The following DYNC2I2 variants were observed in gnomAD, a reference collection of about 807,000 sequenced individuals.
DYNC2I2 encodes cytoplasmic dynein 2 intermediate chain 2.
In DYNC2I2, 39 loss-of-function variants were observed where a neutral mutation model predicts 52.0. The observed-to-expected ratio is 0.75, with a 90% confidence interval of 0.58 to 0.98. The LOEUF (loss-of-function observed/expected upper bound fraction) is 0.98, where lower values mean the gene tolerates loss of function less well. Among genes scored for constraint, DYNC2I2 ranks in the 50% least tolerant of loss-of-function variants. The pLI is 0.00. For synonymous variants in DYNC2I2, 359 were observed against 321.1 expected, an observed-to-expected ratio of 1.12 and a Z score of -1.26; for missense variants, 743 against 728.4, an observed-to-expected ratio of 1.02 and a Z score of -0.23.
the DYNC2I2 span, among the ~76,000 whole-genome samples, chr9:128,679,441 C>T: frequency 6.6e-6 from 1 of 152,028 alleles, no homozygotes; most frequent in Non-Finnish European, 1.5e-5. Flanking sequence ...TGACTTATGA[C>T]TAAGATTTAG....
At chr9:128,643,066 T>C (rs1201487949) in intron 1 of DYNC2I2, among the ~76,000 whole-genome samples, 1 of 151,350 alleles carries the variant, frequency 6.6e-6, no homozygotes, top group South Asian at 2.1e-4. Flanking sequence ...CAGGAAGGAG[T>C]GTAGTGGGCC....
chr9:128,678,776 T>A, the DYNC2I2 span, among the ~76,000 whole-genome samples: 1 of 148,160 alleles, frequency 6.7e-6, no homozygotes, highest in African/African-American at 2.5e-5. Context: ...AATCTTATAA[T>A]AAAACAAAGA....
the DYNC2I2 span, among the ~76,000 whole-genome samples, chr9:128,664,631 C>G: frequency 1.3e-5 from 2 of 151,120 alleles, no homozygotes; most frequent in Non-Finnish European, 1.5e-5. Context: ...TTTACAGGTG[C>G]CTGCCACCAC....
At chr9:128,652,918 C>CAA (rs759120754) in intron 1 of DYNC2I2, among the ~76,000 whole-genome samples, 1 of 133,392 alleles carries the variant, frequency 7.5e-6, no homozygotes, top group African/African-American at 2.9e-5. Flanking sequence ...AACTCCGTCT[C>CAA]AAAAAAAAAA....
At chr9:128,636,541 G>T in intron 3 of DYNC2I2, 103 bp from the exon 4 acceptor site, 1 of 1,318,996 alleles carries the variant, frequency 7.6e-7, no homozygotes, top group Non-Finnish European at 1.0e-6. Context: ...CTGTGTCCTT[G>T]TCACCACCAG....
rs1489007663 is a variant in DYNC2I2, at chr9:128,651,099, T to G, written c.186+5442A>C. The G allele has an allele frequency of 3.4e-5, 2 of 58,304 alleles. 1 individual carries two copies. The highest frequency in any genetic ancestry group is 6.8e-5 in the African/African-American group (2 of 29,306). The allele number at this position is 58,304 out of a possible 1,614,324, so 3.6% of individuals were successfully genotyped here. ...AAGGAGTGCCCAAGCACCTGCTGGG[T>G]GCAGTGGGGACCAAAGAGAAGTTGA... is the stretch of plus-strand genomic sequence containing the variant. On this transcript the variant is annotated intron_variant, in intron 1 of 8. Coordinates refer to ENST00000372715, the MANE Select transcript of DYNC2I2 (RefSeq NM_052844.4).
At chr9:128,660,976 C>T (rs1232643033), upstream of DYNC2I2, among the ~76,000 whole-genome samples, 1 of 151,796 alleles carries the variant, frequency 6.6e-6, no homozygotes, top group East Asian at 2.0e-4. Context: ...GATCTGCGCA[C>T]CTCAGCCTCC....
rs569829982 is a variant in DYNC2I2 at position 128,652,906 on chromosome 9, G to A, written c.186+3635C>T. ...GCACTCCAGCTTGGGCAACAAAAGC[G>A]AAACTCCGTCTCAAAAAAAAAAAAG... On this transcript the variant is annotated intron_variant, in intron 1 of 8. Transcript: ENST00000372715. 7.9e-4 allele frequency among the ~76,000 whole-genome samples: 117 copies of A among 147,468 alleles called. 9 individuals carry two copies. The highest frequency in any genetic ancestry group is 2.9e-3 in the African/African-American group (113 of 38,744).
At chr9:128,641,089 G>T in intron 1 of DYNC2I2, 150 bp from the exon 2 acceptor site, 1 of 1,296,320 alleles carries the variant, frequency 7.7e-7, no homozygotes, top group Non-Finnish European at 1.0e-6. Flanking sequence ...GGTTGGAGAT[G>T]GCCCCTTGAT....
chr9:128,658,834 A>C (rs1860885615), upstream of DYNC2I2, among the ~76,000 whole-genome samples: 1 of 148,484 alleles, frequency 6.7e-6, no homozygotes, highest in Non-Finnish European at 1.5e-5. Context: ...AGGCCATCCA[A>C]CCACCTCAGC....
chr9:128,638,713 A>C (rs1318968944), intron 2 of DYNC2I2, among the ~76,000 whole-genome samples: 1 of 152,140 alleles, frequency 6.6e-6, no homozygotes, highest in African/African-American at 2.4e-5. Flanking sequence ...AGAGAAATGA[A>C]AACTCATGTC....
the DYNC2I2 span, among the ~76,000 whole-genome samples, chr9:128,673,506 A>AT: frequency 3.2e-3 from 456 of 144,348 alleles, 8 homozygotes; most frequent in East Asian, 0.033. Context: ...CTCACTGGCT[A>AT]TTTTTTTTTT....
At chr9:128,634,532 G>T (rs1480708686) in intron 7 of DYNC2I2, 149 bp from the exon 8 acceptor site, 26 of 1,310,638 alleles carry the variant, frequency 2.0e-5, no homozygotes, top group Middle Eastern at 2.1e-4. Context: ...ATTAGAGAAG[G>T]GACGATGCCT....
chr9:128,634,755 G>C lies in DYNC2I2; in HGVS notation c.1148C>G (p.Pro383Arg). 1 of 1,603,926 alleles carries C rather than the reference G, an allele frequency of 6.2e-7. No individual in the cohort carries two copies. The highest frequency in any genetic ancestry group is 8.5e-7 in the Non-Finnish European group (1 of 1,175,748). The change falls in exon 7 of 9, where the codon CCA (proline) becomes CGA (arginine). Residue 383 changes from proline to arginine, a missense_variant. Pro to Arg is a moderately radical substitution (Grantham distance 103). Transcript: ENST00000372715. ...RMPSSVPLRA[P>R]AQFTFSPHGG... is the part of the protein sequence containing the mutation. The stretch of plus-strand genomic sequence containing the variant: ...GTGGGGGGAGAAGGTAAACTGTGCT[G>C]GGGCCCGCAGGGGCACGGAGCTGGG...
chr9:128,663,679 G>A, the DYNC2I2 span: 4 of 122,270 alleles, frequency 3.3e-5, no homozygotes, highest in Admixed American at 2.0e-4. Context: ...TTGAGACAGG[G>A]TATCACTCTT....
At position 128,633,882 on chromosome 9, in the gene DYNC2I2, G is replaced by A. The variant is rs781560583; in HGVS notation, c.1473C>T (p.Asn491=). The change falls in exon 9 of 9, where the codon AAC becomes AAT. Residue 491 remains asparagine (N), a synonymous_variant. Transcript: ENST00000372715. ...DESPVYCLEF[N]SQQTQLLAAG... ...CAGCCAAGAGCTGAGTCTGCTGGCT[G>A]TTGAACTCCAGACAGTAGACAGGGC... 1.2e-6 allele frequency: 2 copies of A among 1,613,394 alleles called. No individual in the cohort carries two copies. The highest frequency in any genetic ancestry group is 1.1e-5 in the South Asian group (1 of 91,096).
intron 4 of DYNC2I2, 21 bp from the exon 5 acceptor site, chr9:128,635,788 G>A (rs1328269120): frequency 2.5e-6 from 4 of 1,596,076 alleles, no homozygotes; most frequent in Non-Finnish European, 3.4e-6. Flanking sequence ...AGTGGACCTG[G>A]GCAGAGGCTC....
intron 1 of DYNC2I2, among the ~76,000 whole-genome samples, chr9:128,652,500 G>A (rs990609081): frequency 6.7e-6 from 1 of 150,134 alleles, no homozygotes; most frequent in Non-Finnish European, 1.5e-5. Flanking sequence ...GTACACACCT[G>A]TACTCCTAGG....
At chr9:128,669,404 A>C in the DYNC2I2 span, among the ~76,000 whole-genome samples, 1 of 151,984 alleles carries the variant, frequency 6.6e-6, no homozygotes, top group Non-Finnish European at 1.5e-5. Flanking sequence ...TTAAAATTAA[A>C]ATTAAAAAGA....
Sources: allele counts gnomAD v4.1 joint callset (sites outside exome capture counted in the v4.1 genomes callset), GRCh38; gene constraint gnomAD v4.1.1; transcripts MANE v1.5; gene names NCBI Gene and HGNC (gene_info 2026-07-23, HGNC 2026-07-21).